The following LHFPL3 variants were observed in gnomAD, a reference collection of about 807,000 sequenced individuals.
LHFPL3 encodes the protein LHFPL tetraspan subfamily member 3, also known as LHFPL tetraspan subfamily member 3 protein.
LHFPL3 carries 5 observed loss-of-function variants against 19.3 expected under a neutral mutation model. The observed-to-expected ratio is 0.26, with a 90% confidence interval of 0.14 to 0.54. The LOEUF is 0.54. LHFPL3 is among the 20% of genes least tolerant of loss of function. The probability of loss-of-function intolerance (pLI) is 0.94; values close to 1 mark genes in which losing one functional copy is unlikely to be tolerated. For missense variants in LHFPL3, 249 were observed against 307.4 expected, an observed-to-expected ratio of 0.81 and a Z score of 1.42; for synonymous variants, 133 against 126.2, an observed-to-expected ratio of 1.05 and a Z score of -0.36.
At chr7:104,444,176 T>C (rs992421269) in intron 1 of LHFPL3, among the ~76,000 whole-genome samples, 3 of 152,222 alleles carry the variant, frequency 2.0e-5, no homozygotes, top group African/African-American at 4.8e-5. Context: ...CCAGGGGCCA[T>C]TTGTAACCAG....
chr7:104,544,401 A>G (rs1794543033), intron 1 of LHFPL3, among the ~76,000 whole-genome samples: 1 of 152,220 alleles, frequency 6.6e-6, no homozygotes. Context: ...GCAAACACCC[A>G]CATGATTATA....
At chr7:104,887,079 G>A (rs781519846) in intron 2 of LHFPL3, among the ~76,000 whole-genome samples, 74 of 152,242 alleles carry the variant, frequency 4.9e-4, no homozygotes, top group Non-Finnish European at 1.2e-4. Context: ...CTCCTTTCAT[G>A]CCAAAACTTG....
At chr7:104,488,938 G>T (rs1195342164) in intron 1 of LHFPL3, among the ~76,000 whole-genome samples, 1 of 152,184 alleles carries the variant, frequency 6.6e-6, no homozygotes, top group East Asian at 1.9e-4. Context: ...AACCGGGGTT[G>T]CATGACCAGG....
chr7:104,723,000 G>A (rs1793516430), intron 1 of LHFPL3, among the ~76,000 whole-genome samples: 1 of 152,110 alleles, frequency 6.6e-6, no homozygotes, highest in African/African-American at 2.4e-5. Flanking sequence ...GTATCAGCAG[G>A]CCCACGTAAC....
rs548310059 is a variant in LHFPL3, at chr7:104,684,780, C to G, written c.446-51895C>G. On this transcript the variant is annotated intron_variant, in intron 1 of 2. Coordinates refer to ENST00000424859, the MANE Select transcript of LHFPL3 (RefSeq NM_199000.3). The stretch of plus-strand genomic sequence containing the variant: ...CTACCCTGCCATTCCCTGCCAGGAC[C>G]AGCCCAGGGCAGAAGCATGCCCAGG... Among the ~76,000 whole-genome samples the G allele has an allele frequency of 1.6e-4, 25 of 152,354 alleles. No homozygotes were observed. In the East Asian group the frequency reaches 4.6e-3, roughly 28 times the overall value.
chr7:104,329,237 T>C lies in LHFPL3; in HGVS notation c.445+13T>C. ...CAGCTCACCTCCGGTGAGTGCGCGC[T>C]CACCTCCGCGGAGGCGGAGGACCCC... On this transcript the variant is annotated intron_variant, in intron 1 of 2. Coordinates refer to ENST00000424859, the MANE Select transcript of LHFPL3 (RefSeq NM_199000.3). The C allele has an allele frequency of 6.4e-7, 1 of 1,573,816 alleles. No individual in the cohort carries two copies. Among genetic ancestry groups the C allele is most frequent in the Non-Finnish European group, 8.7e-7 (1 of 1,155,620 alleles).
At chr7:104,789,397 G>C (rs1210228983) in intron 2 of LHFPL3, among the ~76,000 whole-genome samples, 1 of 152,040 alleles carries the variant, frequency 6.6e-6, no homozygotes, top group Admixed American at 6.6e-5. Context: ...AGACTCTTGG[G>C]GTTCAGAGAA....
At chr7:104,707,140 G>A (rs116247575) in intron 1 of LHFPL3, among the ~76,000 whole-genome samples, 1,976 of 152,264 alleles carry the variant, frequency 0.013, 37 homozygotes, top group African/African-American at 0.044. Context: ...CCCAATATAC[G>A]AATGTGTCTG....
intron 1 of LHFPL3, among the ~76,000 whole-genome samples, chr7:104,414,257 C>G (rs1054490876): frequency 6.6e-6 from 1 of 152,102 alleles, no homozygotes; most frequent in Non-Finnish European, 1.5e-5. Context: ...GAAATGTGCT[C>G]TTAATTAGAA....
At chr7:104,668,870 G>C in intron 1 of LHFPL3, 17 of 1,612,146 alleles carry the variant, frequency 1.1e-5, no homozygotes, top group Non-Finnish European at 1.4e-5. Context: ...AAGAGAAGTA[G>C]AAGAACGGCT....
intron 1 of LHFPL3, among the ~76,000 whole-genome samples, chr7:104,335,856 G>GA (rs11399914): frequency 0.31 from 42,147 of 134,606 alleles, 6,803 homozygotes; most frequent in Admixed American, 0.41. Context: ...GGAGTAAAAT[G>GA]AAAAAAAAAA....
intron 2 of LHFPL3, among the ~76,000 whole-genome samples, chr7:104,809,618 G>A (rs1562800066): frequency 6.6e-6 from 1 of 152,118 alleles, no homozygotes; most frequent in African/African-American, 2.4e-5. Flanking sequence ...TTGATAAATA[G>A]TATTTCTATA....
intron 1 of LHFPL3, among the ~76,000 whole-genome samples, chr7:104,734,696 C>G (rs1793771390): frequency 6.6e-6 from 1 of 152,202 alleles, no homozygotes; most frequent in Non-Finnish European, 1.5e-5. Context: ...ATTTGATCAT[C>G]TGAAGCCTTC....
chr7:104,587,074 T>C (rs1362999731), intron 1 of LHFPL3, among the ~76,000 whole-genome samples: 1 of 152,140 alleles, frequency 6.6e-6, no homozygotes, highest in Non-Finnish European at 1.5e-5. Context: ...CATTGAGTTA[T>C]TCATTCATTC....
At chr7:104,542,553 C>T (rs911601922) in intron 1 of LHFPL3, among the ~76,000 whole-genome samples, 8 of 152,090 alleles carry the variant, frequency 5.3e-5, no homozygotes, top group African/African-American at 1.9e-4. Context: ...TATTGCTCTA[C>T]CTTCCCCAAA....
At chr7:104,557,392 A>C (rs1052492126) in intron 1 of LHFPL3, among the ~76,000 whole-genome samples, 7 of 152,216 alleles carry the variant, frequency 4.6e-5, no homozygotes, top group African/African-American at 1.7e-4. Context: ...GCAGGCAAAG[A>C]GAGAGATTGT....
intron 1 of LHFPL3, among the ~76,000 whole-genome samples, chr7:104,522,329 T>C (rs918649798): frequency 1.4e-5 from 2 of 140,964 alleles, no homozygotes; most frequent in African/African-American, 2.7e-5. Context: ...TAGGTGGGAA[T>C]TGAACAATGA....
chr7:104,502,394 A>G (rs1290126353), intron 1 of LHFPL3, among the ~76,000 whole-genome samples: 1 of 151,366 alleles, frequency 6.6e-6, no homozygotes, highest in Non-Finnish European at 1.5e-5. Flanking sequence ...GCATAAAGCT[A>G]TTATGCTTAC....
chr7:104,798,643 CAATGT>C (rs1469127144), intron 2 of LHFPL3, among the ~76,000 whole-genome samples: 3 of 151,682 alleles, frequency 2.0e-5, no homozygotes, highest in Non-Finnish European at 4.4e-5. Flanking sequence ...TGTAAAAATA[CAATGT>C]AATGTAAGTC....
Sources: gnomAD v4.1 joint callset for allele counts (sites outside exome capture counted in the v4.1 genomes callset) on GRCh38, gnomAD v4.1.1 for gene constraint, MANE v1.5 for transcripts, NCBI Gene and HGNC (gene_info 2026-07-23, HGNC 2026-07-21) for gene names.